Variants in INPP4B observed in about 807,000 individuals in gnomAD.
INPP4B encodes the protein inositol polyphosphate 4-phosphatase type II.
A neutral mutation model predicts 122.5 loss-of-function variants in INPP4B; 55 were observed. The ratio of observed to expected loss-of-function variants is 0.45; its 90% CI spans 0.36 to 0.56. The LOEUF is 0.56. Ranked by LOEUF, INPP4B falls within the 20% of genes least tolerant of loss-of-function variation. The pLI, the probability that INPP4B is intolerant of heterozygous loss-of-function variation, is 0.00. For missense variants in INPP4B, 1,000 were observed against 1,097.7 expected (o/e 0.91, Z 1.26); for synonymous variants, 403 against 388.7 (o/e 1.04, Z -0.43).
At position 142,406,503 on chromosome 4, in the gene INPP4B, C is replaced by G. The variant is rs1230723224; in HGVS notation, c.137-1179G>C. Among the ~76,000 whole-genome samples the G allele has an allele frequency of 2.6e-5, 4 of 152,282 alleles. No individual in the cohort carries two copies. The East Asian group carries it at 7.7e-4, about 29-fold the overall frequency. On this transcript the variant is annotated intron_variant, in intron 5 of 25. Transcript: ENST00000262992. ...CACCTTTCAATTGTTTACAGATAAT[C>G]TCTTTCAGAAGTACAAGGAGATAGA...
At chr4:142,692,499 C>T (rs2150727902) in intron 2 of INPP4B, among the ~76,000 whole-genome samples, 1 of 152,244 alleles carries the variant, frequency 6.6e-6, no homozygotes, top group Admixed American at 6.5e-5. Context: ...CCAGGAGTTC[C>T]AGATTAGCCT....
chr4:142,641,021 C>A (rs1397333434), intron 2 of INPP4B, among the ~76,000 whole-genome samples: 1 of 152,086 alleles, frequency 6.6e-6, no homozygotes, highest in Admixed American at 6.6e-5. Flanking sequence ...TTGGCAATAT[C>A]TGCTAACGTT....
rs1412971977 is a variant in INPP4B, at chr4:142,114,162, G to A, written c.2136-1480C>T. 5.3e-5 allele frequency among the ~76,000 whole-genome samples: 8 copies of A among 151,848 alleles called. No homozygotes were observed. In the South Asian group the frequency reaches 1.0e-3, roughly 20 times the overall value. On this transcript the variant is annotated intron_variant, in intron 21 of 25. Transcript: ENST00000262992. ...CAGTAGCTTGTTCCTTTTAATTAGC[G>A]AATAGAATTCTATTGTATCGATATC...
intron 2 of INPP4B, among the ~76,000 whole-genome samples, chr4:142,466,258 C>T (rs1038777540): frequency 6.6e-6 from 1 of 152,160 alleles, no homozygotes; most frequent in African/African-American, 2.4e-5. Context: ...CAGTGATGTC[C>T]AGGCTGAAGA....
intron 3 of INPP4B, among the ~76,000 whole-genome samples, chr4:142,448,373 AC>A (rs1813401272): frequency 6.7e-6 from 1 of 149,922 alleles, no homozygotes; most frequent in Non-Finnish European, 1.5e-5. Context: ...AGTCTCAGTT[AC>A]GCTGATGATG....
chr4:142,621,545 A>T (rs1744935515), intron 2 of INPP4B, among the ~76,000 whole-genome samples: 1 of 151,958 alleles, frequency 6.6e-6, no homozygotes. Context: ...ACCATAGCAG[A>T]GTGGAAAGGA....
At chr4:142,107,027 A>G (rs532574758) in intron 23 of INPP4B, among the ~76,000 whole-genome samples, 1 of 152,156 alleles carries the variant, frequency 6.6e-6, no homozygotes, top group East Asian at 1.9e-4. Flanking sequence ...TTTTCAGGTA[A>G]TTAACAAATT....
At chr4:142,657,770 C>T (rs1246425187) in intron 2 of INPP4B, among the ~76,000 whole-genome samples, 1 of 152,112 alleles carries the variant, frequency 6.6e-6, no homozygotes, top group Non-Finnish European at 1.5e-5. Flanking sequence ...ATTTCTGAGT[C>T]ATCATTTTGG....
At chr4:142,751,144 G>C (rs962481049) in intron 1 of INPP4B, among the ~76,000 whole-genome samples, 1 of 151,942 alleles carries the variant, frequency 6.6e-6, no homozygotes, top group Non-Finnish European at 1.5e-5. Flanking sequence ...TAAGCTCCAT[G>C]TTAGAACTAT....
chr4:142,361,692 C>T (rs1785455201), intron 7 of INPP4B, among the ~76,000 whole-genome samples: 1 of 151,816 alleles, frequency 6.6e-6, no homozygotes, highest in African/African-American at 2.4e-5. Context: ...GTAATTATAT[C>T]ATGTATTTAT....
rs57366796 is a variant in INPP4B at position 142,128,206 on chromosome 4, A to ATGTGTG, written c.1721-3452_1721-3447dup. ...TATTCATTCATATATAAATATATAT[A>ATGTGTG]TGTGTGTGTGTGTGTGTATGTATAT... On this transcript the variant is annotated intron_variant, in intron 18 of 25. Coordinates refer to ENST00000262992, the MANE Select transcript of INPP4B (RefSeq NM_001101669.3). 1.8e-4 allele frequency among the ~76,000 whole-genome samples: 27 copies of ATGTGTG among 150,796 alleles called. No individual in the cohort carries two copies. The South Asian group carries it at 2.1e-3, about 12-fold the overall frequency.
rs140847510 is a variant in INPP4B at position 142,343,928 on chromosome 4, AAATATT to A, written c.373-29172_373-29167del. ...TATAAATTCAACACAAAATTAGCAC[AAATATT>A]AATATTATCATTTCTGGACCATAAA... On this transcript the variant is annotated intron_variant, in intron 7 of 25. Transcript: ENST00000262992. Among the ~76,000 whole-genome samples, 1,056 of 152,214 alleles carry A rather than the reference AAATATT, an allele frequency of 6.9e-3. 9 individuals carry two copies. The highest frequency in any genetic ancestry group is 0.024 in the African/African-American group (992 of 41,558).
rs1284389552 is a variant in INPP4B at position 142,384,137 on chromosome 4, C to G, written c.372+18801G>C. ...GCTATCTTGGGAAGAAAAGTGTGAT[C>G]AGTAAGTTTCCAATCTGACATAGCT... On this transcript the variant is annotated intron_variant, in intron 7 of 25. Transcript: ENST00000262992. 5.7e-6 allele frequency: 4 copies of G among 701,932 alleles called. No homozygotes were observed. In the Admixed American group the frequency reaches 8.0e-5, roughly 14 times the overall value. The allele number at this position is 701,932 out of a possible 1,614,324, so 43.5% of individuals were successfully genotyped here.
intron 2 of INPP4B, among the ~76,000 whole-genome samples, chr4:142,473,795 G>A (rs765938775): frequency 1.1e-4 from 16 of 152,144 alleles, no homozygotes; most frequent in Non-Finnish European, 1.6e-4. Context: ...ATAGCCAGAT[G>A]GGAAACACCT....
intron 10 of INPP4B, among the ~76,000 whole-genome samples, chr4:142,268,938 C>A (rs1219787934): frequency 2.0e-5 from 3 of 152,128 alleles, no homozygotes; most frequent in Non-Finnish European, 4.4e-5. Flanking sequence ...TCCCCAGATG[C>A]CCTCCTTCAC....
chr4:142,662,702 T>C (rs1755416794), intron 2 of INPP4B, among the ~76,000 whole-genome samples: 1 of 152,166 alleles, frequency 6.6e-6, no homozygotes, highest in Non-Finnish European at 1.5e-5. Context: ...AATGATTCCA[T>C]GGAGAAAAAC....
chr4:142,669,758 T>C (rs970011873), intron 2 of INPP4B, among the ~76,000 whole-genome samples: 5 of 152,290 alleles, frequency 3.3e-5, no homozygotes, highest in Non-Finnish European at 5.9e-5. Context: ...GGCAGTAATG[T>C]TTTGGATATT....
chr4:142,114,805 G>A (rs144785046), intron 21 of INPP4B, among the ~76,000 whole-genome samples: 28 of 151,714 alleles, frequency 1.8e-4, no homozygotes, highest in Non-Finnish European at 2.4e-4. Flanking sequence ...TCTTTTATGG[G>A]TCTTGATTTT....
rs3043162 is a variant in INPP4B, at chr4:142,062,742, AAAACAAACAAAC to A, written c.2642+19277_2642+19288del. 8.9e-4 allele frequency among the ~76,000 whole-genome samples: 133 copies of A among 149,222 alleles called. 1 individual carries two copies. Among genetic ancestry groups the A allele is most frequent in the Non-Finnish European group, 1.4e-3 (93 of 67,290 alleles). On this transcript the variant is annotated intron_variant, in intron 25 of 25. Transcript: ENST00000262992. Reference sequence around the variant, plus strand: ...CACAGCAAGACTCCGTCCCCCCGCAAAAACAAACAAACAAACAAACAAACAAACAAACAGACA... The same window carrying A: ...CACAGCAAGACTCCGTCCCCCCGCAAAAACAAACAAACAAACAAACAGACA...
Sources: allele counts gnomAD v4.1 joint callset (sites outside exome capture counted in the v4.1 genomes callset), GRCh38; gene constraint gnomAD v4.1.1; transcripts MANE v1.5; gene names NCBI Gene and HGNC (gene_info 2026-07-23, HGNC 2026-07-21).